ITGA4: variants seen among roughly 807,000 people sequenced by gnomAD.
ITGA4 encodes integrin subunit alpha 4.
ITGA4 carries 63 observed loss-of-function variants against 133.6 expected under a neutral mutation model. The ratio of observed to expected loss-of-function variants is 0.47; its 90% CI spans 0.38 to 0.58. The LOEUF (loss-of-function observed/expected upper bound fraction) is 0.58, where lower values mean the gene tolerates loss of function less well. Among genes scored for constraint, ITGA4 ranks in the 20% least tolerant of loss-of-function variants. The pLI is 0.00. For synonymous variants in ITGA4, 483 were observed against 438.0 expected, an observed-to-expected ratio of 1.10 and a Z score of -1.28; for missense variants, 1,076 against 1,252.7, an observed-to-expected ratio of 0.86 and a Z score of 2.13.
chr2:181,480,157 C>G lies in ITGA4; in HGVS notation c.645C>G (p.Ala215=), dbSNP rs748553792. The G allele has an allele frequency of 2.6e-6, 4 of 1,552,944 alleles. No individual in the cohort carries two copies. The highest frequency in any genetic ancestry group is 3.5e-6 in the Non-Finnish European group (4 of 1,154,792). The change falls in exon 6 of 28, where the codon GCC becomes GCG. Residue 215 remains alanine (A), a synonymous_variant. Coordinates refer to ENST00000397033, the MANE Select transcript of ITGA4 (RefSeq NM_000885.6). The part of the protein sequence containing the change: ...FYTKDLIVMG[A]PGSSYWTGSL... ...TACAGGATTTAATTGTGATGGGGGC[C>G]CCAGGATCATCTTACTGGACTGGCT...
At chr2:181,489,862 C>A (rs1201569527) in intron 10 of ITGA4, among the ~76,000 whole-genome samples, 1 of 152,154 alleles carries the variant, frequency 6.6e-6, no homozygotes, top group Non-Finnish European at 1.5e-5. Context: ...GAGCCACAGA[C>A]AAAACTCTTC....
intron 2 of ITGA4, among the ~76,000 whole-genome samples, chr2:181,463,325 G>C (rs780346342): frequency 2.0e-5 from 3 of 151,460 alleles, no homozygotes; most frequent in Non-Finnish European, 2.9e-5. Flanking sequence ...GGAGTGACAT[G>C]ATCAGATTTG....
chr2:181,522,477 C>T (rs1686740858), intron 18 of ITGA4, 136 bp downstream of exon 18: 8 of 579,382 alleles, frequency 1.4e-5, no homozygotes, highest in Admixed American at 9.7e-5. Context: ...TTCAGACTTA[C>T]TCTGTGCCCC....
At chr2:181,493,464 A>G (rs780621471) in intron 11 of ITGA4, 45 bp downstream of exon 11, 14 of 1,167,700 alleles carry the variant, frequency 1.2e-5, no homozygotes, top group African/African-American at 1.6e-5. Context: ...GTTATAATGC[A>G]TATCCTTAAA....
rs114190822 is a variant in ITGA4, at chr2:181,502,577, A to C, written c.1695+3800A>C. Among the ~76,000 whole-genome samples the C allele has an allele frequency of 9.7e-3, 1,476 of 152,190 alleles. 23 individuals are homozygous for C. Among genetic ancestry groups the C allele is most frequent in the African/African-American group, 0.034 (1,402 of 41,554 alleles). ...GTATGTGCTTGCAGATGCTGGGTAG[A>C]TGTGGTGATGGGGACTGTAGAAGTT... On this transcript the variant is annotated intron_variant, in intron 15 of 27. Coordinates refer to ENST00000397033, the MANE Select transcript of ITGA4 (RefSeq NM_000885.6).
At chr2:181,530,356 C>CACAG (rs1686919571) in intron 23 of ITGA4, among the ~76,000 whole-genome samples, 168 bp from the exon 24 acceptor site, 1 of 152,128 alleles carries the variant, frequency 6.6e-6, no homozygotes, top group African/African-American at 2.4e-5. Context: ...GTGTTTCTGC[C>CACAG]ACAGACATTT....
At chr2:181,475,112 C>G (rs746714668) in intron 3 of ITGA4, 46 bp downstream of exon 3, 6 of 1,613,270 alleles carry the variant, frequency 3.7e-6, no homozygotes, top group Non-Finnish European at 5.1e-6. Context: ...AATCAGCTAT[C>G]CTGGGTGCAG....
rs927056512 is a variant in ITGA4 at position 181,523,969 on chromosome 2, C to T, written c.2170-202C>T. On this transcript the variant is annotated intron_variant, in intron 19 of 27. Transcript: ENST00000397033. This position sits in a 1 kb window ranked among gnomAD's most constrained non-coding sequence, Gnocchi z 4.2. ...GAGACGTCTTTGTCTCTGAATGTTACGTGTGGATATGTGTGTACTTTAAAA... is the reference window on the plus strand; with the variant it reads ...GAGACGTCTTTGTCTCTGAATGTTATGTGTGGATATGTGTGTACTTTAAAA... 6.6e-6 allele frequency among the ~76,000 whole-genome samples: 1 copy of T among 152,132 alleles called. No individual in the cohort carries two copies. The highest frequency in any genetic ancestry group is 2.4e-5 in the African/African-American group (1 of 41,416).
Position 181,531,768 on chromosome 2 carries a change from T to G in ITGA4, c.2776T>G (p.Leu926Val). 1 of 1,595,670 alleles carries G rather than the reference T, an allele frequency of 6.3e-7. No individual in the cohort carries two copies. Among genetic ancestry groups the G allele is most frequent in the South Asian group, 1.2e-5 (1 of 86,550 alleles). The change falls in exon 25 of 28, where the codon TTA (leucine) becomes GTA (valine). Residue 926 changes from leucine (L) to valine (V), a missense_variant. Transcript: ENST00000397033. The stretch of plus-strand genomic sequence containing the variant: ...CCAACTGGAAGGCCGGCCATCCATT[T>G]TAGAAATGGTAAGTAAGTCTAAAAC... ...HIQLEGRPSI[L>V]EMDETSALKF... is the part of the protein sequence containing the mutation.
At chr2:181,475,590 T>C (rs1685657230) in intron 4 of ITGA4, among the ~76,000 whole-genome samples, 1 of 152,188 alleles carries the variant, frequency 6.6e-6, no homozygotes. Flanking sequence ...CCAGCAAATA[T>C]AGGACATTTA....
Position 181,457,801 on chromosome 2 carries a change from C to T in ITGA4, c.147C>T (p.Asn49=), listed in dbSNP as rs367594114. 2 of 1,613,678 alleles carry T rather than the reference C, an allele frequency of 1.2e-6. No homozygotes were observed. Among genetic ancestry groups the T allele is most frequent in the African/African-American group, 2.7e-5 (2 of 74,944 alleles). ...ESALLYQGPH[N]TLFGYSVVLH... is the part of the protein sequence containing the mutation. The stretch of plus-strand genomic sequence containing the variant: ...CGCTGCTTTACCAGGGCCCCCACAA[C>T]ACGCTGTTCGGCTACTCGGTCGTGC... Residue 49 remains asparagine (N), a synonymous_variant, in exon 1 of 28, where the codon AAC becomes AAT. Transcript: ENST00000397033.
chr2:181,530,364 T>A (rs971102173), intron 23 of ITGA4, among the ~76,000 whole-genome samples, 160 bp from the exon 24 acceptor site: 1 of 152,234 alleles, frequency 6.6e-6, no homozygotes, highest in African/African-American at 2.4e-5. Flanking sequence ...GCCACAGACA[T>A]TTAATCACTC....
chr2:181,500,786 A>T (rs565092219), intron 15 of ITGA4, among the ~76,000 whole-genome samples: 6 of 152,264 alleles, frequency 3.9e-5, no homozygotes, highest in Admixed American at 6.5e-5. Flanking sequence ...GAGTACCCAC[A>T]TTGTGTCAAA....
Position 181,535,469 on chromosome 2 carries a change from A to C in ITGA4, c.3041A>C (p.Gln1014Pro). 1 of 1,605,516 alleles carries C rather than the reference A, an allele frequency of 6.2e-7. No individual in the cohort carries two copies. The highest frequency in any genetic ancestry group is 8.5e-7 in the Non-Finnish European group (1 of 1,177,598). ...FFKRQYKSILQEENRRDSWSY... is the reference protein window; with the variant it reads ...FFKRQYKSILPEENRRDSWSY... The stretch of plus-strand genomic sequence containing the variant: ...AAAAGACAATACAAATCTATCCTAC[A>C]AGAAGAAAACAGAAGAGACAGTTGG... The change falls in exon 28 of 28, where the codon CAA (glutamine) becomes CCA (proline). Residue 1014 changes from glutamine to proline, a missense_variant. Transcript: ENST00000397033.
rs1026758283 is a variant in ITGA4 at position 181,516,138 on chromosome 2, T to C, written c.1922+4363T>C. 6.6e-6 allele frequency among the ~76,000 whole-genome samples: 1 copy of C among 152,008 alleles called. No individual in the cohort carries two copies. The highest frequency in any genetic ancestry group is 2.4e-5 in the African/African-American group (1 of 41,416). ...AGATTACAAATATAATAGAAGGTAT[T>C]AGCCATCACATAGGGAGTTTAAAAT... is the stretch of plus-strand genomic sequence containing the variant. On this transcript the variant is annotated intron_variant, in intron 17 of 27. Transcript: ENST00000397033. This position sits in a 1 kb window ranked among gnomAD's most constrained non-coding sequence, Gnocchi z 4.0.
chr2:181,518,107 T>C (rs1207176550), intron 17 of ITGA4, among the ~76,000 whole-genome samples: 1 of 151,992 alleles, frequency 6.6e-6, no homozygotes, highest in Non-Finnish European at 1.5e-5. Context: ...CTCTCTCCCA[T>C]TTAACAGTGC....
chr2:181,510,130 T>C (rs889488084), intron 16 of ITGA4, among the ~76,000 whole-genome samples: 1 of 152,096 alleles, frequency 6.6e-6, no homozygotes, highest in Non-Finnish European at 1.5e-5. Context: ...ACAAGTTAGT[T>C]ATTCAGTGTC....
At chr2:181,481,559 T>C (rs199944811) in intron 6 of ITGA4, 39 bp from the exon 7 acceptor site, 31 of 1,102,634 alleles carry the variant, frequency 2.8e-5, no homozygotes, top group Non-Finnish European at 3.9e-5. Flanking sequence ...TATGATGTAC[T>C]TTACCCAGGA....
intron 1 of ITGA4, 75 bp downstream of exon 1, chr2:181,457,926 C>T (rs767955328): frequency 1.2e-5 from 17 of 1,373,630 alleles, no homozygotes; most frequent in African/African-American, 5.8e-5. Context: ...ATTCCCTGCC[C>T]GATTCAAACT....
Sources: allele counts gnomAD v4.1 joint callset (sites outside exome capture counted in the v4.1 genomes callset), GRCh38; gene constraint gnomAD v4.1.1; non-coding constraint Gnocchi (gnomAD v3.1); transcripts MANE v1.5; gene names NCBI Gene and HGNC (gene_info 2026-07-23, HGNC 2026-07-21).